Variants in APOB observed in about 807,000 individuals in gnomAD.
APOB encodes the protein apolipoprotein B, also known as apolipoprotein B-100.
In APOB, 153 loss-of-function variants were observed where a neutral mutation model predicts 314.1. That is an observed-to-expected ratio of 0.49 (90% CI 0.43 to 0.56). The LOEUF (loss-of-function observed/expected upper bound fraction) is 0.56, where lower values mean the gene tolerates loss of function less well. APOB is among the 20% of genes least tolerant of loss of function. APOB has a pLI of 0.00. For synonymous variants in APOB, 2,087 were observed against 2,036.4 expected (o/e 1.02, Z -0.67); for missense variants, 5,430 against 5,350.7 (o/e 1.01, Z -0.46).
intron 20 of APOB, among the ~76,000 whole-genome samples, chr2:21,018,330 A>G (rs528702240): frequency 7.9e-5 from 12 of 152,270 alleles, no homozygotes; most frequent in East Asian, 1.9e-4. Context: ...GGACTCCCCA[A>G]TGGCTTTCGT....
At chr2:21,028,568 T>A (rs773327630) in intron 12 of APOB, 30 bp from the exon 13 acceptor site, 1 of 1,500,980 alleles carries the variant, frequency 6.7e-7, no homozygotes, top group Non-Finnish European at 9.2e-7. Flanking sequence ...TGGTTATCAC[T>A]GTCCTGTGGT....
At position 21,001,861 on chromosome 2, in the gene APOB, T is replaced by C; in HGVS notation, c.13561A>G (p.Ile4521Val). The C allele has an allele frequency of 6.2e-7, 1 of 1,614,102 alleles. No individual in the cohort carries two copies. Among genetic ancestry groups the C allele is most frequent in the Non-Finnish European group, 8.5e-7 (1 of 1,179,968 alleles). Residue 4521 changes from isoleucine (I) to valine (V), a missense_variant, in exon 29 of 29, where the codon ATT becomes GTT. This residue lies in a region of APOB where 3,281 missense variants were observed against 3,171.0 expected (regional missense o/e 1.03). Coordinates refer to ENST00000233242, the MANE Select transcript of APOB (RefSeq NM_000384.3). Reference protein sequence around the residue: ...EKFIAESKRLIDLSIQNYHTF... With the variant: ...EKFIAESKRLVDLSIQNYHTF... ...TGGTAGTTTTGAATGGACAGGTCAA[T>C]CAATCTTTTGGATTCAGCAATAAAT...
At position 21,007,434 on chromosome 2, in the gene APOB, G is replaced by A; in HGVS notation, c.9434C>T (p.Pro3145Leu). 1 of 1,614,012 alleles carries A rather than the reference G, an allele frequency of 6.2e-7. No individual in the cohort carries two copies. Among genetic ancestry groups the A allele is most frequent in the Non-Finnish European group, 8.5e-7 (1 of 1,179,952 alleles). The change falls in exon 26 of 29, where the codon CCT becomes CTT. Residue 3145 changes from proline (P) to leucine (L), a missense_variant. Physicochemically the swap from Pro to Leu is moderately conservative, Grantham distance 98 (BLOSUM62 -3). Around this residue, in one of 3 missense-constraint regions of APOB, gnomAD observed 3,281 missense variants for 3,171.0 expected, o/e 1.03. Transcript: ENST00000233242. ...MRLPYTIITT[P>L]PLKDFSLWEK... ...CCATAGAGAGAAATCTTTCAGTGGA[G>A]GAGTTGTGATTATTGTGTAAGGTAG...
chr2:21,038,174 C>G, intron 4 of APOB, 63 bp from the exon 5 acceptor site: 2 of 1,569,100 alleles, frequency 1.3e-6, no homozygotes, highest in South Asian at 1.1e-5. Context: ...TGGAAGTAAG[C>G]TGGGTGGCAC....
Position 21,003,025 on chromosome 2 carries a change from CT to C in APOB, c.12396del (p.Ala4133GlnfsTer24). The stretch of plus-strand genomic sequence containing the variant: ...TAGGTCCCAGTGGTGCCACTGGCTG[CT>C]TTCTGGAACCTCACGTCGATATCAT... ...QIDDIDVRFQ[K>X]AASGTTGTYQ... On this transcript the variant is annotated frameshift_variant, in exon 29 of 29. Coordinates refer to ENST00000233242, the MANE Select transcript of APOB (RefSeq NM_000384.3). LOFTEE classifies it low-confidence loss of function (END_TRUNC). The C allele has an allele frequency of 6.4e-7, 1 of 1,567,564 alleles. No individual in the cohort carries two copies. The highest frequency in any genetic ancestry group is 8.6e-7 in the Non-Finnish European group (1 of 1,157,074).
intron 17 of APOB, 102 bp from the exon 18 acceptor site, chr2:21,023,144 T>C: frequency 1.9e-6 from 2 of 1,053,870 alleles, no homozygotes; most frequent in Non-Finnish European, 3.0e-6. Context: ...ATTTCCTGGA[T>C]AACTCAGACC....
chr2:21,014,914 T>G (rs2854725), intron 23 of APOB, among the ~76,000 whole-genome samples, 159 bp downstream of exon 23: 10,980 of 152,224 alleles, frequency 0.072, 504 homozygotes, highest in East Asian at 0.14. Context: ...ACTGGGTAAC[T>G]ACACACTTGT....
chr2:21,030,494 A>T (rs1280461047), intron 10 of APOB, among the ~76,000 whole-genome samples: 1 of 152,354 alleles, frequency 6.6e-6, no homozygotes, highest in African/African-American at 2.4e-5. Flanking sequence ...GAGACTATAA[A>T]AATGCAAGAA....
intron 19 of APOB, among the ~76,000 whole-genome samples, chr2:21,019,413 G>A (rs1663545097): frequency 1.3e-5 from 2 of 152,162 alleles, no homozygotes; most frequent in East Asian, 1.9e-4. Context: ...ACCTAAGTAC[G>A]GTGAAGGCTT....
chr2:21,016,682 G>T, intron 20 of APOB, 33 bp from the exon 21 acceptor site: 1 of 1,427,324 alleles, frequency 7.0e-7, no homozygotes, highest in Non-Finnish European at 9.9e-7. Context: ...CAAGAGATGT[G>T]TGGTAAGAAG....
chr2:21,018,772 A>G (rs2103366354), intron 20 of APOB, among the ~76,000 whole-genome samples: 1 of 152,308 alleles, frequency 6.6e-6, no homozygotes, highest in South Asian at 2.1e-4. Context: ...AACTTCCATG[A>G]AGGCAGAGAC....
At position 21,012,195 on chromosome 2, in the gene APOB, G is replaced by A; in HGVS notation, c.4673C>T (p.Thr1558Ile). Residue 1558 changes from threonine (T) to isoleucine (I), a missense_variant, in exon 26 of 29, where the codon ACT becomes ATT. Physicochemically the swap from Thr to Ile is moderately conservative, Grantham distance 89. Around this residue, in one of 3 missense-constraint regions of APOB, gnomAD observed 2,085 missense variants for 2,079.7 expected, o/e 1.00. Coordinates refer to ENST00000233242, the MANE Select transcript of APOB (RefSeq NM_000384.3). ...GTAGTTCTCATACTTTAGGGAAGCAGTATTTTTAATGATGCCACTTTGCAG... is the reference window on the plus strand; with the variant it reads ...GTAGTTCTCATACTTTAGGGAAGCAATATTTTTAATGATGCCACTTTGCAG... ...SDLQSGIIKN[T>I]ASLKYENYEL... is the part of the protein sequence containing the mutation. 3 of 1,602,696 alleles carry A rather than the reference G, an allele frequency of 1.9e-6. No homozygotes were observed. The highest frequency in any genetic ancestry group is 2.6e-6 in the Non-Finnish European group (3 of 1,173,416).
rs1664206132 is a variant in APOB at position 21,043,980 on chromosome 2, C to T, written c.-35G>A. On this transcript the variant is annotated 5_prime_UTR_variant, in exon 1 of 29. Coordinates refer to ENST00000233242, the MANE Select transcript of APOB (RefSeq NM_000384.3). ...CGGTGGGGCGGCTCCTGGGCTGCGGCCTGGCCTCGGCCTCGCGGCCCTGGC... is the reference window on the plus strand; with the variant it reads ...CGGTGGGGCGGCTCCTGGGCTGCGGTCTGGCCTCGGCCTCGCGGCCCTGGC... 2.6e-6 allele frequency: 3 copies of T among 1,148,608 alleles called. No homozygotes were observed. The highest frequency in any genetic ancestry group is 6.9e-5 in the South Asian group (2 of 28,818). 71.2% of individuals were successfully genotyped at this position (1,148,608 alleles called of 1,614,324 possible).
intron 4 of APOB, 115 bp downstream of exon 4, chr2:21,040,823 A>G (rs1572803954): frequency 1.7e-6 from 2 of 1,205,534 alleles, no homozygotes; most frequent in Non-Finnish European, 2.4e-6. Context: ...TCCCTGATCC[A>G]CGATGGATAC....
intron 23 of APOB, 29 bp downstream of exon 23, chr2:21,015,044 T>C (rs1033015724): frequency 1.9e-6 from 3 of 1,601,926 alleles, no homozygotes; most frequent in Admixed American, 1.7e-5. Context: ...TATATCCATG[T>C]ATTTATTGAC....
chr2:21,015,029 G>A, intron 23 of APOB, 44 bp downstream of exon 23: 1 of 1,549,826 alleles, frequency 6.5e-7, no homozygotes, highest in Non-Finnish European at 8.9e-7. Context: ...GATGTAATTA[G>A]CACTTATATC....
Position 21,043,897 on chromosome 2 carries a change from GCGCA to G in APOB, c.45_48del (p.Ala16CysfsTer76). ...GCGCCCGCCAGCAGCAGCAGCAGCA[GCGCA>G]GGCAGCGCCAGCAGCGCCAGCAGCG... On this transcript the variant is annotated frameshift_variant, in exon 1 of 29. Coordinates refer to ENST00000233242, the MANE Select transcript of APOB (RefSeq NM_000384.3). LOFTEE classifies it high-confidence loss of function. 1 of 1,431,314 alleles carries G rather than the reference GCGCA, an allele frequency of 7.0e-7. No individual in the cohort carries two copies. The highest frequency in any genetic ancestry group is 9.1e-7 in the Non-Finnish European group (1 of 1,095,966). The allele number at this position is 1,431,314 out of a possible 1,614,324, so 88.7% of individuals were successfully genotyped here.
chr2:21,035,778 A>C, intron 6 of APOB, 70 bp from the exon 7 acceptor site: 4 of 1,520,632 alleles, frequency 2.6e-6, no homozygotes, highest in Non-Finnish European at 3.6e-6. Context: ...TTTACCTTCA[A>C]GGTAGAAGGG....
rs1664115534 is a variant in APOB, at chr2:21,040,939, T to C, written c.382A>G (p.Arg128Gly). The change falls in exon 4 of 29, where the codon AGG becomes GGG. Residue 128 changes from arginine to glycine, a missense_variant and splice_region_variant. Physicochemically the swap from Arg to Gly is moderately radical, Grantham distance 125. This residue lies in a region of APOB where 2,085 missense variants were observed against 2,079.7 expected (regional missense o/e 1.00). Transcript: ENST00000233242. ...NSEEFAAAMS[R>G]YELKLAIPEG... ...GTGCTCATGTACAACATGACTTACC[T>C]GGACATGGCTGCAGCAAACTCCTCA... 1.2e-6 allele frequency: 2 copies of C among 1,614,022 alleles called. No homozygotes were observed. Among genetic ancestry groups the C allele is most frequent in the South Asian group, 2.2e-5 (2 of 91,064 alleles).
Sources: allele counts gnomAD v4.1 joint callset (sites outside exome capture counted in the v4.1 genomes callset), GRCh38; gene constraint gnomAD v4.1.1; regional missense constraint gnomAD v4.1.1; transcripts MANE v1.5; gene names NCBI Gene and HGNC (gene_info 2026-07-23, HGNC 2026-07-21).